The following RNF220 variants were observed in gnomAD, a reference collection of about 807,000 sequenced individuals.
RNF220 encodes E3 ubiquitin-protein ligase RNF220.
A neutral mutation model predicts 67.1 loss-of-function variants in RNF220; 7 were observed. The ratio of observed to expected loss-of-function variants is 0.10; its 90% CI spans 0.06 to 0.20. RNF220 has a LOEUF of 0.20. Among genes scored for constraint, RNF220 ranks in the 10% least tolerant of loss-of-function variants. The pLI, the probability that RNF220 is intolerant of heterozygous loss-of-function variation, is 1.00. For synonymous variants in RNF220, 270 were observed against 283.2 expected (o/e 0.95, Z 0.47); for missense variants, 565 against 740.3 (o/e 0.76, Z 2.75).
chr1:44,553,220 T>C (rs1433017876), intron 2 of RNF220, among the ~76,000 whole-genome samples: 2 of 151,992 alleles, frequency 1.3e-5, no homozygotes, highest in Non-Finnish European at 2.9e-5. Flanking sequence ...GGTTATCTTC[T>C]TGTAATTGCC....
intron 2 of RNF220, among the ~76,000 whole-genome samples, chr1:44,484,679 C>T (rs183646147): frequency 1.2e-4 from 19 of 152,232 alleles, no homozygotes; most frequent in Admixed American, 8.5e-4. Context: ...TGGGGTCCCT[C>T]GGTATTGCTG....
chr1:44,426,002 A>C, intron 2 of RNF220, among the ~76,000 whole-genome samples: 1 of 152,126 alleles, frequency 6.6e-6, no homozygotes, highest in East Asian at 1.9e-4. Context: ...TTGGGGCAAA[A>C]GTTACCCAAC....
At chr1:44,582,458 C>G (rs964317241) in intron 2 of RNF220, among the ~76,000 whole-genome samples, 32 of 152,114 alleles carry the variant, frequency 2.1e-4, no homozygotes, top group African/African-American at 7.5e-4. Flanking sequence ...GTAAAAAATT[C>G]AAGAAGAAGC....
chr1:44,497,116 C>T (rs376512004), intron 2 of RNF220, among the ~76,000 whole-genome samples: 7 of 152,264 alleles, frequency 4.6e-5, no homozygotes, highest in East Asian at 1.9e-4. Flanking sequence ...TGCTAAGCAA[C>T]GGTTACACTA....
At position 44,606,011 on chromosome 1, in the gene RNF220, C is replaced by T. The variant is rs1359076157; in HGVS notation, c.626-8154C>T. On this transcript the variant is annotated intron_variant, in intron 2 of 14. Coordinates refer to ENST00000361799, the MANE Select transcript of RNF220 (RefSeq NM_018150.4). The surrounding 1 kb of genome is among the most constrained non-coding windows in gnomAD (Gnocchi z 4.2). ...AAATACATATCTCTCCCCTGCCCGC[C>T]CTACCCCTACCTCCTCAACCAGGGA... Among the ~76,000 whole-genome samples the T allele has an allele frequency of 6.6e-6, 1 of 152,204 alleles. No individual in the cohort carries two copies. The highest frequency in any genetic ancestry group is 1.5e-5 in the Non-Finnish European group (1 of 68,032).
chr1:44,479,928 A>T (rs568728968), intron 2 of RNF220, among the ~76,000 whole-genome samples: 22 of 152,190 alleles, frequency 1.4e-4, no homozygotes, highest in Non-Finnish European at 2.2e-4. Context: ...CTAGTTTATA[A>T]GATACGTTTC....
intron 2 of RNF220, among the ~76,000 whole-genome samples, chr1:44,413,171 G>A (rs1459692571): frequency 6.6e-6 from 1 of 152,160 alleles, no homozygotes; most frequent in Non-Finnish European, 1.5e-5. Context: ...ACATCCAGCA[G>A]ACTCCACGTG....
chr1:44,459,898 C>T (rs1351687616), intron 2 of RNF220, among the ~76,000 whole-genome samples: 2 of 152,056 alleles, frequency 1.3e-5, no homozygotes, highest in South Asian at 2.1e-4. Context: ...TCACCAAGAC[C>T]GAAACAGTCA....
In RNF220 at chr1:44,624,825, A is replaced by G. The variant is rs577845972; in HGVS notation, c.805-1472A>G. 6.6e-6 allele frequency among the ~76,000 whole-genome samples: 1 copy of G among 152,238 alleles called. No individual in the cohort carries two copies. Among genetic ancestry groups the G allele is most frequent in the Non-Finnish European group, 1.5e-5 (1 of 68,046 alleles). On this transcript the variant is annotated intron_variant, in intron 4 of 14. Transcript: ENST00000361799. The surrounding 1 kb of genome is among the most constrained non-coding windows in gnomAD (Gnocchi z 4.2). ...TTTCTTAAAGATCTTATCGCTTACA[A>G]TGATAATTTTACCTTCCAAAAGGCC... is the stretch of plus-strand genomic sequence containing the variant.
chr1:44,634,726 G>T (rs765789811), intron 6 of RNF220, among the ~76,000 whole-genome samples: 2 of 152,250 alleles, frequency 1.3e-5, no homozygotes, highest in South Asian at 2.1e-4. Flanking sequence ...AATTAGAAAT[G>T]ATTGCATTGC....
intron 2 of RNF220, among the ~76,000 whole-genome samples, chr1:44,519,375 G>T (rs559879923): frequency 6.6e-6 from 1 of 152,330 alleles, no homozygotes; most frequent in African/African-American, 2.4e-5. Context: ...CTATTAAAAT[G>T]CAGAGTGGCT....
chr1:44,522,608 A>C (rs1386568049), intron 2 of RNF220, among the ~76,000 whole-genome samples: 1 of 151,990 alleles, frequency 6.6e-6, no homozygotes, highest in Non-Finnish European at 1.5e-5. Context: ...GGACAGAGAG[A>C]ACCAAGTAGA....
chr1:44,566,006 G>C (rs538489507), intron 2 of RNF220, among the ~76,000 whole-genome samples: 10 of 152,276 alleles, frequency 6.6e-5, no homozygotes, highest in African/African-American at 2.4e-4. Flanking sequence ...ATCTATCAGA[G>C]GGGCACACGC....
intron 5 of RNF220, among the ~76,000 whole-genome samples, chr1:44,628,068 C>T (rs1195419953): frequency 6.6e-6 from 1 of 152,264 alleles, no homozygotes; most frequent in Non-Finnish European, 1.5e-5. Context: ...CTGCCCCGAT[C>T]CAGACAACCC....
intron 2 of RNF220, among the ~76,000 whole-genome samples, chr1:44,547,907 T>C (rs1320127374): frequency 6.6e-6 from 1 of 152,176 alleles, no homozygotes; most frequent in Admixed American, 6.5e-5. Context: ...TCTAGGCCCA[T>C]CTACCTACTG....
At chr1:44,532,648 T>C (rs2148195263) in intron 2 of RNF220, among the ~76,000 whole-genome samples, 1 of 152,344 alleles carries the variant, frequency 6.6e-6, no homozygotes, top group Non-Finnish European at 1.5e-5. Context: ...GTTTGAATTA[T>C]AACAGTGTGC....
chr1:44,495,923 G>A (rs985351434), intron 2 of RNF220, among the ~76,000 whole-genome samples: 3 of 152,178 alleles, frequency 2.0e-5, no homozygotes, highest in African/African-American at 7.2e-5. Context: ...CTGGATGGAT[G>A]AATGAATGAG....
intron 2 of RNF220, among the ~76,000 whole-genome samples, chr1:44,480,382 G>C (rs1284770596): frequency 6.6e-6 from 1 of 152,040 alleles, no homozygotes; most frequent in Non-Finnish European, 1.5e-5. Flanking sequence ...ACTCCAGCCT[G>C]GGCAACAAAG....
intron 2 of RNF220, among the ~76,000 whole-genome samples, chr1:44,508,521 T>C (rs564942937): frequency 6.6e-6 from 1 of 152,296 alleles, no homozygotes. Context: ...TGGAAGAACA[T>C]CCGTAGAAGG....
Sources: gnomAD v4.1 joint callset for allele counts (sites outside exome capture counted in the v4.1 genomes callset) on GRCh38, gnomAD v4.1.1 for gene constraint, Gnocchi (gnomAD v3.1) non-coding constraint, MANE v1.5 for transcripts, NCBI Gene and HGNC (gene_info 2026-07-23, HGNC 2026-07-21) for gene names.